The following LYZL4 variants were observed in gnomAD, a reference collection of about 807,000 sequenced individuals.
LYZL4 encodes the protein lysozyme-like protein 4.
In LYZL4, 13 loss-of-function variants were observed where a neutral mutation model predicts 17.6. The observed-to-expected ratio is 0.74, with a 90% CI of 0.48 to 1.18. The LOEUF (loss-of-function observed/expected upper bound fraction) is 1.18, where lower values mean the gene tolerates loss of function less well. Among genes scored for constraint, LYZL4 ranks in the 50% most tolerant of loss-of-function variants. The probability of loss-of-function intolerance (pLI) is 0.00; values close to 1 mark genes in which losing one functional copy is unlikely to be tolerated. For synonymous variants in LYZL4, 64 were observed against 67.7 expected, an observed-to-expected ratio of 0.95 and a Z score of 0.27; for missense variants, 174 against 188.2, an observed-to-expected ratio of 0.92 and a Z score of 0.44.
At chr3:42,400,755 G>A (rs1220581474) in intron 4 of LYZL4, among the ~76,000 whole-genome samples, 1 of 152,112 alleles carries the variant, frequency 6.6e-6, no homozygotes, top group Admixed American at 6.5e-5. Flanking sequence ...GAATCAACCA[G>A]GCAGGTAATT....
the LYZL4 span, among the ~76,000 whole-genome samples, chr3:42,374,274 TA>T: frequency 6.6e-6 from 1 of 152,192 alleles, no homozygotes; most frequent in Non-Finnish European, 1.5e-5. Flanking sequence ...AAATCAGTGG[TA>T]GAGCTGGGAT....
the LYZL4 span, among the ~76,000 whole-genome samples, chr3:42,390,545 A>AT: frequency 3.1e-3 from 452 of 147,078 alleles, 3 homozygotes; most frequent in Non-Finnish European, 4.1e-3. Context: ...AGGAGCAGCT[A>AT]TTTTTTTTTT....
chr3:42,377,887 G>A, the LYZL4 span, among the ~76,000 whole-genome samples: 1 of 152,204 alleles, frequency 6.6e-6, no homozygotes, highest in Non-Finnish European at 1.5e-5. Context: ...GGACTCAGCA[G>A]TGGGTTTGCT....
intron 4 of LYZL4, among the ~76,000 whole-genome samples, chr3:42,399,851 T>C (rs1698623613): frequency 6.6e-6 from 1 of 151,980 alleles, no homozygotes; most frequent in Non-Finnish European, 1.5e-5. Flanking sequence ...AGCTAGAGGC[T>C]GGAGATATAG....
chr3:42,401,164 T>C (rs1559454524), intron 4 of LYZL4, among the ~76,000 whole-genome samples: 1 of 152,138 alleles, frequency 6.6e-6, no homozygotes, highest in Non-Finnish European at 1.5e-5. Flanking sequence ...ACGGGACCTA[T>C]GCGGAAATAT....
In LYZL4 at chr3:42,407,174, T is replaced by G. The variant is rs1368347466; in HGVS notation, c.78A>C (p.Thr26=). Residue 26 remains threonine (T), a synonymous_variant, in exon 2 of 5, where the codon ACA becomes ACC. Coordinates refer to ENST00000287748, the MANE Select transcript of LYZL4 (RefSeq NM_144634.4). The stretch of plus-strand genomic sequence containing the variant: ...CTCCATCGTGGAGTTTCTTAGCCAC[T>G]GTGCAACGCCCCAAGATGTAAGCAC... ...PSGAYILGRC[T]VAKKLHDGGL... The G allele has an allele frequency of 1.2e-6, 2 of 1,614,068 alleles. No homozygotes were observed. The highest frequency in any genetic ancestry group is 1.7e-6 in the Non-Finnish European group (2 of 1,180,042).
intron 3 of LYZL4, 127 bp downstream of exon 3, chr3:42,406,719 T>A (rs1192718209): frequency 4.2e-6 from 5 of 1,204,438 alleles, no homozygotes; most frequent in Non-Finnish European, 4.7e-6. Context: ...GGACCCACCC[T>A]GGATATGGCT....
chr3:42,388,307 C>G, the LYZL4 span, among the ~76,000 whole-genome samples: 6 of 152,326 alleles, frequency 3.9e-5, no homozygotes, highest in African/African-American at 1.4e-4. Context: ...AGTAATCAAG[C>G]ACGCCTGGAT....
At chr3:42,399,543 C>A (rs1409824505) in intron 4 of LYZL4, among the ~76,000 whole-genome samples, 2 of 152,128 alleles carry the variant, frequency 1.3e-5, no homozygotes, top group Non-Finnish European at 2.9e-5. Flanking sequence ...TGCCAAGATT[C>A]ATGAGCTCTA....
At chr3:42,406,792 A>G (rs1698761503) in intron 3 of LYZL4, 54 bp downstream of exon 3, 3 of 1,603,318 alleles carry the variant, frequency 1.9e-6, no homozygotes, top group Non-Finnish European at 2.6e-6. Context: ...GCAGGCCTCT[A>G]ACACAGCACC....
the LYZL4 span, among the ~76,000 whole-genome samples, chr3:42,388,838 C>A: frequency 1.1e-4 from 17 of 152,192 alleles, no homozygotes; most frequent in African/African-American, 4.1e-4. Flanking sequence ...ATAATAAAAA[C>A]ATTTTGTGAT....
chr3:42,372,225 C>T, the LYZL4 span, among the ~76,000 whole-genome samples: 1 of 152,154 alleles, frequency 6.6e-6, no homozygotes, highest in Non-Finnish European at 1.5e-5. Flanking sequence ...CTTTTGGAAC[C>T]AGAAAGATTC....
the LYZL4 span, among the ~76,000 whole-genome samples, chr3:42,385,793 T>C: frequency 6.6e-6 from 1 of 152,322 alleles, no homozygotes; most frequent in South Asian, 2.1e-4. Context: ...AGGATTATAA[T>C]ATTGAGGGTC....
chr3:42,376,427 C>T, the LYZL4 span, among the ~76,000 whole-genome samples: 2 of 152,172 alleles, frequency 1.3e-5, no homozygotes, highest in South Asian at 2.1e-4. Context: ...ACATGGCTTC[C>T]CAAGATCAAT....
At chr3:42,408,665 G>C (rs970874335) in intron 1 of LYZL4, among the ~76,000 whole-genome samples, 4 of 152,072 alleles carry the variant, frequency 2.6e-5, no homozygotes, top group Non-Finnish European at 5.9e-5. Context: ...ATACCCCATA[G>C]CCCCTAGCAC....
At chr3:42,406,618 G>A (rs73071756) in intron 3 of LYZL4, among the ~76,000 whole-genome samples, 12,158 of 152,044 alleles carry the variant, frequency 0.08, 740 homozygotes, top group East Asian at 0.29. Context: ...TTTGGACAGG[G>A]GTCTCCATCA....
the LYZL4 span, among the ~76,000 whole-genome samples, chr3:42,388,883 A>G: frequency 6.6e-6 from 1 of 152,068 alleles, no homozygotes; most frequent in Non-Finnish European, 1.5e-5. Context: ...GGGAGGGGTG[A>G]GTTGTGGGGA....
At chr3:42,385,213 C>T in the LYZL4 span, among the ~76,000 whole-genome samples, 2 of 151,922 alleles carry the variant, frequency 1.3e-5, no homozygotes, top group South Asian at 4.1e-4. Flanking sequence ...AAGTCTTTTG[C>T]CTCTTTTCAA....
In LYZL4 at chr3:42,397,243, G is replaced by A. The variant is rs372628929; in HGVS notation, c.*22C>T. The A allele has an allele frequency of 1.3e-6, 2 of 1,530,060 alleles. No individual in the cohort carries two copies. The highest frequency in any genetic ancestry group is 2.8e-5 in the African/African-American group (2 of 72,590). 94.8% of individuals were successfully genotyped at this position (1,530,060 alleles called of 1,614,324 possible). ...CATTCACAAGATGCAACTGGTGAGT[G>A]CTGCAGGGGCCATGCAGGTGGCTAC... is the stretch of plus-strand genomic sequence containing the variant. On this transcript the variant is annotated 3_prime_UTR_variant, in exon 5 of 5. Transcript: ENST00000287748.
Sources: gnomAD v4.1 joint callset for allele counts (sites outside exome capture counted in the v4.1 genomes callset) on GRCh38, gnomAD v4.1.1 for gene constraint, MANE v1.5 for transcripts, NCBI Gene and HGNC (gene_info 2026-07-23, HGNC 2026-07-21) for gene names.